The following MAP4 variants were observed in gnomAD, a reference collection of about 807,000 sequenced individuals.
MAP4 encodes microtubule associated protein 4.
In MAP4, 76 loss-of-function variants were observed where a neutral mutation model predicts 170.2. The observed-to-expected ratio is 0.45, with a 90% CI of 0.37 to 0.54. The LOEUF is 0.54. Ranked by LOEUF, MAP4 falls within the 20% of genes least tolerant of loss-of-function variation. MAP4 has a pLI of 0.00. For missense variants in MAP4, 2,506 were observed against 2,748.0 expected, an observed-to-expected ratio of 0.91 and a Z score of 1.97; for synonymous variants, 909 against 994.5, an observed-to-expected ratio of 0.91 and a Z score of 1.62.
chr3:47,882,041 G>A (rs1329900024), intron 10 of MAP4, among the ~76,000 whole-genome samples: 1 of 152,236 alleles, frequency 6.6e-6, no homozygotes, highest in African/African-American at 2.4e-5. Flanking sequence ...CACTTTGGGA[G>A]GCCGAGGTGG....
At chr3:48,016,863 G>A (rs1026130146), upstream of MAP4, among the ~76,000 whole-genome samples, 24 of 150,680 alleles carry the variant, frequency 1.6e-4, no homozygotes, top group Admixed American at 1.5e-3. Flanking sequence ...TACAACCTCC[G>A]CCTCCTGGGT....
At chr3:47,867,550 A>G (rs1422079246) in intron 16 of MAP4, among the ~76,000 whole-genome samples, 1 of 152,250 alleles carries the variant, frequency 6.6e-6, no homozygotes, top group Non-Finnish European at 1.5e-5. Context: ...AACAGACAAC[A>G]CAACGACAGG....
rs930532932 is a variant in MAP4 at position 47,973,840 on chromosome 3, G to T, written c.292+4025C>A. 61 of 985,230 alleles carry T rather than the reference G, an allele frequency of 6.2e-5. 1 individual carries two copies. In the Middle Eastern group the frequency reaches 2.1e-3, roughly 33 times the overall value. The allele number at this position is 985,230 out of a possible 1,614,324, so 61.0% of individuals were successfully genotyped here. ...AATAACTGTACACCAAAGGGAAAGG[G>T]TTGTGTTTTCTTTGATGGTGTATTC... On this transcript the variant is annotated intron_variant, in intron 3 of 20. Coordinates refer to ENST00000683076, the MANE Select transcript of MAP4 (RefSeq NM_001385682.1).
chr3:48,087,729 GCACACACACGCACGCGCA>G lies in MAP4; in HGVS notation c.-20+1026_-20+1043del, dbSNP rs1374065940. The stretch of plus-strand genomic sequence containing the variant: ...CGCACACACACATACACACGCACGC[GCACACACACGCACGCGCA>G]CACACACACACACACACACACACAC... On this transcript the variant is annotated intron_variant, in intron 1 of 18. Transcript: ENST00000360240. Among the ~76,000 whole-genome samples, 664 of 117,896 alleles carry G rather than the reference GCACACACACGCACGCGCA, an allele frequency of 5.6e-3. 6 individuals are homozygous for G. Among genetic ancestry groups the G allele is most frequent in the African/African-American group, 0.02 (618 of 30,268 alleles). 77.3% of individuals were successfully genotyped at this position (117,896 alleles called of 152,430 possible).
chr3:47,881,890 T>C (rs545325081), intron 10 of MAP4, among the ~76,000 whole-genome samples: 38 of 152,152 alleles, frequency 2.5e-4, no homozygotes, highest in Non-Finnish European at 5.1e-4. Flanking sequence ...CAGGAGCCGC[T>C]GTACCTGGCC....
intron 10 of MAP4, among the ~76,000 whole-genome samples, chr3:47,896,483 C>T (rs189780566): frequency 6.6e-6 from 1 of 152,244 alleles, no homozygotes; most frequent in African/African-American, 2.4e-5. Flanking sequence ...GAGTGGAGAT[C>T]ATGCCATTGC....
intron 9 of MAP4, among the ~76,000 whole-genome samples, chr3:47,903,746 T>C (rs1204961591): frequency 6.6e-6 from 1 of 152,218 alleles, no homozygotes; most frequent in Non-Finnish European, 1.5e-5. Flanking sequence ...TCCCTACTTC[T>C]AAACAGGGTA....
chr3:47,971,894 G>A (rs114181261), intron 3 of MAP4, among the ~76,000 whole-genome samples: 159 of 152,250 alleles, frequency 1.0e-3, no homozygotes, highest in African/African-American at 3.6e-3. Flanking sequence ...GTTTCACTTC[G>A]CATCAGGGAT....
At chr3:48,037,777 G>T (rs1411281644) in intron 1 of MAP4, among the ~76,000 whole-genome samples, 1 of 152,122 alleles carries the variant, frequency 6.6e-6, no homozygotes, top group African/African-American at 2.4e-5. Context: ...TATATGATAT[G>T]TACTTCTAGT....
Position 47,855,289 on chromosome 3 carries a change from G to A in MAP4, c.6655C>T (p.Leu2219Phe). The stretch of plus-strand genomic sequence containing the variant: ...GCAGGTAGGTGGCCCACATTATCGA[G>A]GGATCCCACCTTGGCCTGGGCCTTC... ...KEKAQAKVGSLDNVGHLPAGG... is the reference protein window; with the variant it reads ...KEKAQAKVGSFDNVGHLPAGG... The change falls in exon 19 of 21, where the codon CTC (leucine) becomes TTC (phenylalanine). Residue 2219 changes from leucine to phenylalanine, a missense_variant. Transcript: ENST00000683076. The surrounding 1 kb of genome is among the most constrained non-coding windows in gnomAD (Gnocchi z 5.1). 3 of 1,614,030 alleles carry A rather than the reference G, an allele frequency of 1.9e-6. No homozygotes were observed. Among genetic ancestry groups the A allele is most frequent in the Admixed American group, 3.3e-5 (2 of 60,024 alleles).
chr3:48,087,407 G>C (rs2100149644), intron 1 of MAP4, among the ~76,000 whole-genome samples: 1 of 152,072 alleles, frequency 6.6e-6, no homozygotes, highest in Non-Finnish European at 1.5e-5. Context: ...TATAAAAATA[G>C]CTGCTGGTGG....
intron 3 of MAP4, among the ~76,000 whole-genome samples, chr3:47,932,783 G>T (rs1042638867): frequency 6.6e-6 from 1 of 152,194 alleles, no homozygotes; most frequent in Non-Finnish European, 1.5e-5. Context: ...TGCAGCGGCT[G>T]TTCACAGGTG....
At chr3:47,865,094 G>A (rs1388250635) in intron 17 of MAP4, among the ~76,000 whole-genome samples, 2 of 152,066 alleles carry the variant, frequency 1.3e-5, no homozygotes, top group Non-Finnish European at 2.9e-5. Flanking sequence ...AAAGTGAAAA[G>A]GCTTTAAAAA....
chr3:47,897,081 C>T (rs761588435), intron 10 of MAP4, among the ~76,000 whole-genome samples: 1 of 152,172 alleles, frequency 6.6e-6, no homozygotes, highest in Non-Finnish European at 1.5e-5. Context: ...CTTCCCAAAC[C>T]GCTGAGCAAA....
At chr3:47,859,397 C>T (rs2062003801) in intron 17 of MAP4, among the ~76,000 whole-genome samples, 1 of 152,196 alleles carries the variant, frequency 6.6e-6, no homozygotes, top group African/African-American at 2.4e-5. Context: ...TTCCAGAGGA[C>T]AGATATAATG....
chr3:48,023,886 A>C (rs773502892), intron 1 of MAP4, among the ~76,000 whole-genome samples: 5 of 152,244 alleles, frequency 3.3e-5, no homozygotes, highest in Non-Finnish European at 7.3e-5. Context: ...TCTCCTAAAC[A>C]TAGCAAGCAC....
chr3:47,892,731 C>T (rs1577178297), intron 10 of MAP4: 86 of 1,339,646 alleles, frequency 6.4e-5, no homozygotes, highest in Non-Finnish European at 7.3e-5. Context: ...CTGCTTTCTG[C>T]ACAACAAAAT....
At chr3:47,931,129 C>A (rs1162958081) in intron 3 of MAP4, among the ~76,000 whole-genome samples, 1 of 152,024 alleles carries the variant, frequency 6.6e-6, no homozygotes, top group African/African-American at 2.4e-5. Context: ...AATCCCAGTA[C>A]TTCGGGAAGC....
intron 5 of MAP4, among the ~76,000 whole-genome samples, chr3:47,921,389 T>G (rs1247876057): frequency 6.6e-6 from 1 of 152,132 alleles, no homozygotes; most frequent in East Asian, 1.9e-4. Context: ...AAGGCTATTA[T>G]TAGCCTGGAG....
Sources: allele counts gnomAD v4.1 joint callset (sites outside exome capture counted in the v4.1 genomes callset), GRCh38; gene constraint gnomAD v4.1.1; non-coding constraint Gnocchi (gnomAD v3.1); transcripts MANE v1.5; gene names NCBI Gene and HGNC (gene_info 2026-07-23, HGNC 2026-07-21).